ZBTB20: variants seen among roughly 807,000 people sequenced by gnomAD.
ZBTB20 encodes the protein zinc finger and BTB domain containing 20, also known as zinc finger and BTB domain-containing protein 20.
ZBTB20 carries 9 observed loss-of-function variants against 56.9 expected under a neutral mutation model. The observed-to-expected ratio is 0.16, with a 90% confidence interval of 0.10 to 0.28. ZBTB20 has a LOEUF of 0.28. ZBTB20 is among the 10% of genes least tolerant of loss of function. The pLI is 1.00. For missense variants in ZBTB20, 655 were observed against 1,003.0 expected (o/e 0.65, Z 4.69); for synonymous variants, 417 against 420.7 (o/e 0.99, Z 0.11).
intron 1 of ZBTB20, among the ~76,000 whole-genome samples, chr3:115,099,755 C>G (rs2083510965): frequency 6.6e-6 from 1 of 152,012 alleles, no homozygotes; most frequent in African/African-American, 2.4e-5. Flanking sequence ...TGGCAAATAA[C>G]TAACAAAACC....
chr3:114,603,497 CA>C (rs1281954262), intron 6 of ZBTB20, among the ~76,000 whole-genome samples: 8 of 151,684 alleles, frequency 5.3e-5, no homozygotes, highest in African/African-American at 1.9e-4. Flanking sequence ...ATAATCTTGG[CA>C]TAAGAAAGGA....
intron 7 of ZBTB20, among the ~76,000 whole-genome samples, chr3:114,484,617 C>T (rs1317488767): frequency 6.6e-6 from 1 of 152,188 alleles, no homozygotes; most frequent in Non-Finnish European, 1.5e-5. Context: ...CTGTCATGTG[C>T]AGGTAGATGT....
Position 114,941,211 on chromosome 3 carries a change from C to A in ZBTB20, c.-456+33155G>T, listed in dbSNP as rs1043494988. Among the ~76,000 whole-genome samples, 13 of 145,954 alleles carry A rather than the reference C, an allele frequency of 8.9e-5. 1 individual carries two copies. The highest frequency in any genetic ancestry group is 1.7e-4 in the African/African-American group (6 of 35,794). On this transcript the variant is annotated intron_variant, in intron 3 of 11. Transcript: ENST00000675478. ...TGGGGATAACAATAATAATCTGCTACCTTTACATAACAGTTTTTACCTTGG... is the reference window on the plus strand; with the variant it reads ...TGGGGATAACAATAATAATCTGCTAACTTTACATAACAGTTTTTACCTTGG...
chr3:114,606,045 C>T (rs1285303355), intron 6 of ZBTB20, among the ~76,000 whole-genome samples: 1 of 152,120 alleles, frequency 6.6e-6, no homozygotes, highest in Non-Finnish European at 1.5e-5. Context: ...GTGAGAACAA[C>T]GTTCCCAGCA....
At chr3:115,033,015 G>A (rs543887863) in intron 2 of ZBTB20, among the ~76,000 whole-genome samples, 6 of 129,976 alleles carry the variant, frequency 4.6e-5, no homozygotes, top group East Asian at 2.2e-4. Flanking sequence ...AAAGAAATAC[G>A]TATTAGAGCA....
chr3:114,857,827 C>T (rs1403643007), intron 4 of ZBTB20, among the ~76,000 whole-genome samples: 3 of 152,302 alleles, frequency 2.0e-5, no homozygotes, highest in African/African-American at 7.2e-5. Context: ...GAACCAAGAA[C>T]AATTCAGTAA....
At chr3:114,992,138 TACTC>T (rs2078843495) in intron 2 of ZBTB20, among the ~76,000 whole-genome samples, 1 of 152,006 alleles carries the variant, frequency 6.6e-6, no homozygotes, top group Non-Finnish European at 1.5e-5. Flanking sequence ...CACAAATAAA[TACTC>T]ACTGTATGAT....
intron 7 of ZBTB20, among the ~76,000 whole-genome samples, chr3:114,490,168 T>G (rs1304335589): frequency 6.6e-6 from 1 of 152,158 alleles, no homozygotes; most frequent in African/African-American, 2.4e-5. Context: ...TGAGCTGCTA[T>G]ATAAGATCTT....
Position 114,320,057 on chromosome 3 carries a change from G to A in ZBTB20, c.*18948C>T, listed in dbSNP as rs2078839306. ...ATCTCTGCTCTCAGAGGAATGCTCTGTTTTCTCCATCCCCATTGAACTACC... is the reference window on the plus strand; with the variant it reads ...ATCTCTGCTCTCAGAGGAATGCTCTATTTTCTCCATCCCCATTGAACTACC... On this transcript the variant is annotated 3_prime_UTR_variant, in exon 12 of 12. Transcript: ENST00000675478. 6.6e-6 allele frequency: 1 copy of A among 152,026 alleles called. No individual in the cohort carries two copies. Among genetic ancestry groups the A allele is most frequent in the African/African-American group, 2.4e-5 (1 of 41,384 alleles). The allele number at this position is 152,026 out of a possible 1,614,324, so 9.4% of individuals were successfully genotyped here. A position where few individuals can be genotyped will look rare whatever the true frequency, so the allele number is the denominator to read the frequency against.
chr3:114,669,853 C>A (rs916171993), intron 6 of ZBTB20, among the ~76,000 whole-genome samples: 3 of 151,910 alleles, frequency 2.0e-5, no homozygotes, highest in African/African-American at 7.2e-5. Context: ...AACATAAGCC[C>A]TAGAGTAAAA....
intron 2 of ZBTB20, among the ~76,000 whole-genome samples, chr3:114,999,705 GAA>G (rs749733107): frequency 1.3e-5 from 2 of 151,354 alleles, no homozygotes; most frequent in Non-Finnish European, 3.0e-5. Flanking sequence ...TTCCCATAAA[GAA>G]AAAAGAGTTT....
At chr3:114,481,019 TA>T (rs1180757926) in intron 7 of ZBTB20, among the ~76,000 whole-genome samples, 3 of 152,048 alleles carry the variant, frequency 2.0e-5, no homozygotes, top group Non-Finnish European at 4.4e-5. Flanking sequence ...TTCTCTGTTT[TA>T]AAAAAATAGC....
chr3:115,105,963 G>A (rs1429296576), intron 1 of ZBTB20, among the ~76,000 whole-genome samples: 2 of 151,892 alleles, frequency 1.3e-5, no homozygotes, highest in African/African-American at 2.4e-5. Context: ...GATTACAGGC[G>A]CGTGCCACCA....
chr3:114,588,005 G>A (rs375658009), intron 6 of ZBTB20, among the ~76,000 whole-genome samples: 1 of 152,164 alleles, frequency 6.6e-6, no homozygotes, highest in Non-Finnish European at 1.5e-5. Context: ...TATGAATGGA[G>A]GGTGTTTGGC....
At chr3:115,110,191 G>A (rs557785186) in intron 1 of ZBTB20, among the ~76,000 whole-genome samples, 3 of 150,904 alleles carry the variant, frequency 2.0e-5, no homozygotes, top group South Asian at 2.1e-4. Flanking sequence ...CAGCCTGGGC[G>A]ATAGGGACTC....
intron 2 of ZBTB20, among the ~76,000 whole-genome samples, chr3:114,981,234 A>G (rs1292889782): frequency 6.6e-6 from 1 of 152,066 alleles, no homozygotes; most frequent in African/African-American, 2.4e-5. Context: ...GCACTCATAC[A>G]GTAACCCCCA....
chr3:115,045,019 G>A (rs541278234), intron 2 of ZBTB20, among the ~76,000 whole-genome samples: 42 of 152,206 alleles, frequency 2.8e-4, no homozygotes, highest in South Asian at 2.1e-3. Context: ...AACATCAATC[G>A]CAGCCAGCAA....
At chr3:114,352,500 A>T (rs1026031070) in intron 10 of ZBTB20, among the ~76,000 whole-genome samples, 5 of 152,186 alleles carry the variant, frequency 3.3e-5, no homozygotes, top group Non-Finnish European at 7.3e-5. Context: ...GATATCTACC[A>T]AACAGTCATG....
chr3:114,910,683 T>G (rs1187948524), intron 3 of ZBTB20, among the ~76,000 whole-genome samples: 2 of 152,008 alleles, frequency 1.3e-5, no homozygotes, highest in African/African-American at 2.4e-5. Flanking sequence ...TTATCACAAT[T>G]GTATAAATAA....
Sources: allele counts gnomAD v4.1 joint callset (sites outside exome capture counted in the v4.1 genomes callset), GRCh38; gene constraint gnomAD v4.1.1; transcripts MANE v1.5; gene names NCBI Gene and HGNC (gene_info 2026-07-23, HGNC 2026-07-21).